Variants in WDR36 observed in about 807,000 individuals in gnomAD.
The protein encoded by WDR36 is WD repeat-containing protein 36.
WDR36 carries 63 observed loss-of-function variants against 112.7 expected under a neutral mutation model. That is an observed-to-expected ratio of 0.56 (90% CI 0.46 to 0.69). WDR36 has a LOEUF of 0.69. Among genes scored for constraint, WDR36 ranks in the 30% least tolerant of loss-of-function variants. The probability of loss-of-function intolerance (pLI) is 0.00; values close to 1 mark genes in which losing one functional copy is unlikely to be tolerated. For missense variants in WDR36, 1,226 were observed against 1,070.3 expected (o/e 1.15, Z -2.03); for synonymous variants, 410 against 362.2 (o/e 1.13, Z -1.50).
intron 6 of WDR36, among the ~76,000 whole-genome samples, chr5:111,102,746 A>G (rs557450068): frequency 6.6e-6 from 1 of 151,808 alleles, no homozygotes; most frequent in African/African-American, 2.4e-5. Flanking sequence ...AGTCATGTAG[A>G]GAAATTTGTC....
chr5:111,118,501 T>C (rs1753501051), intron 16 of WDR36, among the ~76,000 whole-genome samples: 1 of 152,210 alleles, frequency 6.6e-6, no homozygotes, highest in Non-Finnish European at 1.5e-5. Flanking sequence ...GTTTCATGTA[T>C]AGCATGATTA....
chr5:111,105,596 G>A (rs1271507179), intron 10 of WDR36, among the ~76,000 whole-genome samples: 1 of 151,502 alleles, frequency 6.6e-6, no homozygotes, highest in East Asian at 1.9e-4. Context: ...ACATACTGCT[G>A]CCACCCAAAA....
chr5:111,092,759 C>G, intron 1 of WDR36, 141 bp downstream of exon 1: 1 of 1,144,598 alleles, frequency 8.7e-7, no homozygotes, highest in Non-Finnish European at 1.3e-6. Flanking sequence ...AATATTTCGC[C>G]ATCCGGTCAC....
At position 111,110,847 on chromosome 5, in the gene WDR36, A is replaced by G. The variant is rs1386482683; in HGVS notation, c.1501A>G (p.Thr501Ala). 4 of 1,611,694 alleles carry G rather than the reference A, an allele frequency of 2.5e-6. No homozygotes were observed. In the East Asian group the frequency reaches 8.9e-5, roughly 36 times the overall value. Residue 501 changes from threonine to alanine, a missense_variant, in exon 14 of 23, where the codon ACT becomes GCT. Physicochemically the swap from Thr to Ala is moderately conservative, Grantham distance 58. Transcript: ENST00000513710. ...VDGLNQLTVT[T>A]GSEGLLKFWN... ...TGGATTAAACCAGTTGACAGTTACA[A>G]CTGGTAGTGAAGGATTACTCAAATT... is the stretch of plus-strand genomic sequence containing the variant.
At chr5:111,106,358 T>C (rs1753221754) in intron 11 of WDR36, among the ~76,000 whole-genome samples, 1 of 151,516 alleles carries the variant, frequency 6.6e-6, no homozygotes, top group African/African-American at 2.4e-5. Context: ...TGCTCTTCTG[T>C]ATAACAGGTA....
chr5:111,125,874 T>C (rs1753670735), intron 22 of WDR36, 79 bp downstream of exon 22: 6 of 1,476,034 alleles, frequency 4.1e-6, no homozygotes, highest in Non-Finnish European at 5.7e-6. Flanking sequence ...TCTGCAAAGA[T>C]GGGTATGCTG....
At chr5:111,098,920 G>T in intron 4 of WDR36, 81 bp downstream of exon 4, 1 of 1,032,684 alleles carries the variant, frequency 9.7e-7, no homozygotes, top group Non-Finnish European at 1.5e-6. Context: ...AAACATCTAT[G>T]CCAGAGATTT....
chr5:111,098,785 A>T lies in WDR36; in HGVS notation c.355A>T (p.Ile119Phe). The change falls in exon 4 of 23, where the codon ATT (isoleucine) becomes TTT (phenylalanine). Residue 119 changes from isoleucine to phenylalanine, a missense_variant. Coordinates refer to ENST00000513710, the MANE Select transcript of WDR36 (RefSeq NM_139281.3). ...IHFLQPFGDHIISVDTDGILI... is the reference protein window; with the variant it reads ...IHFLQPFGDHFISVDTDGILI... The stretch of plus-strand genomic sequence containing the variant: ...TTTCTTGCAACCCTTTGGAGACCAC[A>T]TTATCTCTGTTGATACTGATGGCAT... 6.2e-7 allele frequency: 1 copy of T among 1,613,034 alleles called. No individual in the cohort carries two copies. The highest frequency in any genetic ancestry group is 8.5e-7 in the Non-Finnish European group (1 of 1,179,202).
intron 3 of WDR36, among the ~76,000 whole-genome samples, chr5:111,097,782 TG>T (rs1233695573): frequency 4.6e-5 from 7 of 152,160 alleles, no homozygotes; most frequent in African/African-American, 1.7e-4. Context: ...AATGTAGGAA[TG>T]GGGGTACAAA....
intron 17 of WDR36, among the ~76,000 whole-genome samples, chr5:111,120,110 A>T (rs1206589811): frequency 3.3e-5 from 5 of 152,158 alleles, no homozygotes; most frequent in Admixed American, 3.3e-4. Flanking sequence ...ATGACCTTTC[A>T]GCAGCCACAA....
intron 21 of WDR36, among the ~76,000 whole-genome samples, 169 bp downstream of exon 21, chr5:111,124,358 C>A (rs1753633173): frequency 6.6e-6 from 1 of 151,888 alleles, no homozygotes; most frequent in South Asian, 2.1e-4. Flanking sequence ...ATTAAATAAG[C>A]CCACTAAACT....
Position 111,093,129 on chromosome 5 carries a change from C to G in WDR36, c.162+511C>G, listed in dbSNP as rs1226088155. ...TAACGCAAAGTGTCTGGCACTGTCA[C>G]TCTAAGCCTTGCAGCCGTTTCTTTG... On this transcript the variant is annotated intron_variant, in intron 1 of 22. Coordinates refer to ENST00000513710, the MANE Select transcript of WDR36 (RefSeq NM_139281.3). Among the ~76,000 whole-genome samples the G allele has an allele frequency of 2.0e-5, 3 of 152,230 alleles. No individual in the cohort carries two copies. The South Asian group carries it at 6.2e-4, about 32-fold the overall frequency.
At chr5:111,098,922 C>G in intron 4 of WDR36, 83 bp downstream of exon 4, 3 of 1,016,548 alleles carry the variant, frequency 3.0e-6, no homozygotes, top group Non-Finnish European at 4.6e-6. Flanking sequence ...ACATCTATGC[C>G]AGAGATTTTG....
At chr5:111,097,973 T>G (rs1040917212) in intron 3 of WDR36, among the ~76,000 whole-genome samples, 1 of 152,198 alleles carries the variant, frequency 6.6e-6, no homozygotes, top group Non-Finnish European at 1.5e-5. Flanking sequence ...TTGTTTATAG[T>G]TTTCCCAGGG....
chr5:111,094,861 T>C (rs1687951033), intron 1 of WDR36, 59 bp from the exon 2 acceptor site: 2 of 1,362,472 alleles, frequency 1.5e-6, no homozygotes, highest in East Asian at 2.4e-5. Flanking sequence ...TCTTCAGGTG[T>C]TAGGTTATTA....
At chr5:111,126,147 A>G (rs1753675083) in intron 22 of WDR36, among the ~76,000 whole-genome samples, 1 of 152,044 alleles carries the variant, frequency 6.6e-6, no homozygotes, top group African/African-American at 2.4e-5. Context: ...GCTTGATCCA[A>G]TGTGCTGAAC....
At chr5:111,126,084 T>A (rs900654453) in intron 22 of WDR36, among the ~76,000 whole-genome samples, 50 of 152,186 alleles carry the variant, frequency 3.3e-4, no homozygotes, top group African/African-American at 1.2e-3. Context: ...TTTGTTTTTT[T>A]ACTCAACTGC....
Position 111,118,992 on chromosome 5 carries a change from A to G in WDR36, c.1797-21A>G, listed in dbSNP as rs764631008. On this transcript the variant is annotated intron_variant, in intron 16 of 22. Coordinates refer to ENST00000513710, the MANE Select transcript of WDR36 (RefSeq NM_139281.3). ...TTTTGGTAGAGTTCAAATACTTTTA[A>G]CATGTTAATTATTTCTGTAGCCTTA... 1.5e-5 allele frequency: 24 copies of G among 1,585,872 alleles called. No individual in the cohort carries two copies. In the African/African-American group the frequency reaches 1.8e-4, roughly 12 times the overall value.
At chr5:111,104,997 A>G (rs184558865) in intron 9 of WDR36, among the ~76,000 whole-genome samples, 180 bp downstream of exon 9, 2 of 151,592 alleles carry the variant, frequency 1.3e-5, no homozygotes, top group Non-Finnish European at 3.0e-5. Flanking sequence ...GTTATTATCT[A>G]TGCTTAATGT....
Sources: gnomAD v4.1 joint callset for allele counts (sites outside exome capture counted in the v4.1 genomes callset) on GRCh38, gnomAD v4.1.1 for gene constraint, MANE v1.5 for transcripts, NCBI Gene and HGNC (gene_info 2026-07-23, HGNC 2026-07-21) for gene names.